The following STK32B variants were observed in gnomAD, a reference collection of about 807,000 sequenced individuals.
The protein encoded by STK32B is serine/threonine-protein kinase 32B.
STK32B carries 43 observed loss-of-function variants against 52.6 expected under a neutral mutation model. The observed-to-expected ratio is 0.82, with a 90% CI of 0.64 to 1.05. The LOEUF (loss-of-function observed/expected upper bound fraction) is 1.05, where lower values mean the gene tolerates loss of function less well. Among genes scored for constraint, STK32B ranks in the 50% least tolerant of loss-of-function variants. STK32B has a pLI of 0.00. For missense variants in STK32B, 621 were observed against 534.6 expected, an observed-to-expected ratio of 1.16 and a Z score of -1.59; for synonymous variants, 238 against 204.3, an observed-to-expected ratio of 1.17 and a Z score of -1.41.
chr4:5,260,315 C>T (rs992557818), intron 3 of STK32B, among the ~76,000 whole-genome samples: 7 of 152,162 alleles, frequency 4.6e-5, no homozygotes, highest in African/African-American at 1.7e-4. Context: ...GAAATTTGCT[C>T]AGCTTATGAC....
At chr4:5,111,053 C>A (rs1300498988) in intron 1 of STK32B, among the ~76,000 whole-genome samples, 1 of 151,746 alleles carries the variant, frequency 6.6e-6, no homozygotes, top group Admixed American at 6.6e-5. Context: ...CAAATTAAGA[C>A]CACATTGAGA....
Position 5,305,271 on chromosome 4 carries a change from A to G in STK32B, c.261-25949A>G, listed in dbSNP as rs1422848642. Among the ~76,000 whole-genome samples the G allele has an allele frequency of 5.3e-5, 8 of 151,876 alleles. No individual in the cohort carries two copies. In the East Asian group the frequency reaches 5.8e-4, roughly 11 times the overall value. ...TAGTGTCTCAGTAGGATTGGTCCCA[A>G]TTCTTCTTTGAATGTCTGATAGAAA... On this transcript the variant is annotated intron_variant, in intron 3 of 11. Coordinates refer to ENST00000282908, the MANE Select transcript of STK32B (RefSeq NM_018401.3).
At chr4:5,356,618 C>T (rs1031921934) in intron 4 of STK32B, among the ~76,000 whole-genome samples, 1 of 152,054 alleles carries the variant, frequency 6.6e-6, no homozygotes, top group African/African-American at 2.4e-5. Context: ...TATGACACAT[C>T]CAAATTTGCA....
chr4:5,418,322 T>G (rs1329404088), intron 6 of STK32B, among the ~76,000 whole-genome samples: 1 of 152,268 alleles, frequency 6.6e-6, no homozygotes, highest in Non-Finnish European at 1.5e-5. Flanking sequence ...TGTTGCTCTT[T>G]TGTTTCAGTA....
intron 3 of STK32B, among the ~76,000 whole-genome samples, chr4:5,243,486 G>A (rs371056528): frequency 1.1e-3 from 169 of 152,242 alleles, no homozygotes; most frequent in Admixed American, 3.8e-3. Flanking sequence ...GGGCTGAGAC[G>A]ATGGGGTTTT....
At chr4:5,365,586 G>C (rs1358984334) in intron 4 of STK32B, among the ~76,000 whole-genome samples, 1 of 152,204 alleles carries the variant, frequency 6.6e-6, no homozygotes, top group East Asian at 1.9e-4. Flanking sequence ...AGTGAAATTA[G>C]AGTCTGGGCT....
chr4:5,437,454 T>C (rs1714186921), intron 6 of STK32B, among the ~76,000 whole-genome samples: 1 of 152,254 alleles, frequency 6.6e-6, no homozygotes, highest in Admixed American at 6.5e-5. Context: ...GGCCGTCTTC[T>C]CTGTGTCTCA....
At chr4:5,056,222 C>G (rs1742001062) in intron 1 of STK32B, among the ~76,000 whole-genome samples, 2 of 152,136 alleles carry the variant, frequency 1.3e-5, no homozygotes, top group Admixed American at 1.3e-4. Flanking sequence ...CAGTTTCATC[C>G]TGAAACTATC....
chr4:5,057,131 A>G (rs905820190), intron 1 of STK32B, among the ~76,000 whole-genome samples: 8 of 152,240 alleles, frequency 5.3e-5, no homozygotes, highest in Non-Finnish European at 4.4e-5. Context: ...GTTGAATGGA[A>G]GATGAAAACA....
At chr4:5,446,819 T>G in intron 7 of STK32B, 43 bp downstream of exon 7, 1 of 1,595,402 alleles carries the variant, frequency 6.3e-7, no homozygotes, top group South Asian at 1.1e-5. Flanking sequence ...GGCTGTGCAG[T>G]GGGGGCTCAC....
At chr4:5,045,283 G>A in the STK32B span, among the ~76,000 whole-genome samples, 15 of 152,322 alleles carry the variant, frequency 9.8e-5, no homozygotes, top group African/African-American at 3.4e-4. Context: ...GCCCCCTGCA[G>A]TTCCCAGAGG....
At chr4:5,155,241 CT>C (rs1325042808) in intron 2 of STK32B, among the ~76,000 whole-genome samples, 1 of 152,174 alleles carries the variant, frequency 6.6e-6, no homozygotes, top group African/African-American at 2.4e-5. Flanking sequence ...CCACCTCAAC[CT>C]TCCATATTTC....
At position 5,469,574 on chromosome 4, in the gene STK32B, G is replaced by A. The variant is rs1223631122; in HGVS notation, c.1106+1504G>A. On this transcript the variant is annotated intron_variant, in intron 11 of 11. Coordinates refer to ENST00000282908, the MANE Select transcript of STK32B (RefSeq NM_018401.3). This position sits in a 1 kb window ranked among gnomAD's most constrained non-coding sequence, Gnocchi z 4.7. Reference sequence around the variant, plus strand: ...GGTTCCAGCCATGGGCCAGTGGGCAGGACAGGGCCCCAGTCCCAGTCGATG... The same window carrying A: ...GGTTCCAGCCATGGGCCAGTGGGCAAGACAGGGCCCCAGTCCCAGTCGATG... Among the ~76,000 whole-genome samples, 3 of 152,228 alleles carry A rather than the reference G, an allele frequency of 2.0e-5. No homozygotes were observed. Among genetic ancestry groups the A allele is most frequent in the East Asian group, 1.9e-4 (1 of 5,192 alleles).
chr4:5,389,531 A>C (rs954989733), intron 4 of STK32B, among the ~76,000 whole-genome samples: 2 of 152,104 alleles, frequency 1.3e-5, no homozygotes, highest in African/African-American at 2.4e-5. Context: ...TCCTCTTCTT[A>C]TAAGGACACC....
chr4:5,472,946 C>G (rs374642353), intron 11 of STK32B, among the ~76,000 whole-genome samples: 8 of 152,136 alleles, frequency 5.3e-5, no homozygotes, highest in African/African-American at 1.9e-4. Context: ...TGCCCTCTAC[C>G]TACTAGATAC....
At chr4:5,494,668 C>T (rs531884451) in intron 11 of STK32B, among the ~76,000 whole-genome samples, 12 of 152,156 alleles carry the variant, frequency 7.9e-5, no homozygotes, top group African/African-American at 4.8e-5. Context: ...TTCTTCCTAG[C>T]CTCGATGGTC....
intron 3 of STK32B, among the ~76,000 whole-genome samples, chr4:5,294,166 T>C (rs548617203): frequency 1.1e-4 from 16 of 152,336 alleles, no homozygotes; most frequent in African/African-American, 3.4e-4. Flanking sequence ...TTTGTACCAG[T>C]ACCATGCTGT....
intron 11 of STK32B, among the ~76,000 whole-genome samples, chr4:5,477,225 G>A (rs1718307188): frequency 6.6e-6 from 1 of 152,112 alleles, no homozygotes; most frequent in African/African-American, 2.4e-5. Flanking sequence ...GAGGTGTTCT[G>A]AAATAAGCAC....
intron 1 of STK32B, among the ~76,000 whole-genome samples, chr4:5,071,534 T>C (rs987233427): frequency 6.6e-6 from 1 of 152,222 alleles, no homozygotes; most frequent in Admixed American, 6.6e-5. Context: ...TAAAATGTAA[T>C]TATTTTTAAG....
Sources: gnomAD v4.1 joint callset for allele counts (sites outside exome capture counted in the v4.1 genomes callset) on GRCh38, gnomAD v4.1.1 for gene constraint, Gnocchi (gnomAD v3.1) non-coding constraint, MANE v1.5 for transcripts, NCBI Gene and HGNC (gene_info 2026-07-23, HGNC 2026-07-21) for gene names.